Variants in MCC observed in about 807,000 individuals in gnomAD.
MCC encodes colorectal mutant cancer protein.
In MCC, 90 loss-of-function variants were observed where a neutral mutation model predicts 116.2. The observed-to-expected ratio is 0.77, with a 90% confidence interval of 0.65 to 0.92. The LOEUF is 0.92. Ranked by LOEUF, MCC falls within the 40% of genes least tolerant of loss-of-function variation. MCC has a pLI of 0.00. For missense variants in MCC, 1,516 were observed against 1,312.2 expected (o/e 1.16, Z -2.40); for synonymous variants, 578 against 510.5 (o/e 1.13, Z -1.78).
intron 1 of MCC, among the ~76,000 whole-genome samples, chr5:113,480,985 C>T (rs949649535): frequency 6.6e-6 from 1 of 152,140 alleles, no homozygotes; most frequent in Non-Finnish European, 1.5e-5. Flanking sequence ...CCATGTTGCT[C>T]AGGCTCGTCT....
At chr5:113,125,520 A>G (rs908447253) in intron 5 of MCC, among the ~76,000 whole-genome samples, 7 of 152,200 alleles carry the variant, frequency 4.6e-5, no homozygotes, top group African/African-American at 1.7e-4. Flanking sequence ...ATGGAGCTGC[A>G]TATCCTTATC....
At chr5:113,318,893 G>T (rs1391378184) in intron 3 of MCC, among the ~76,000 whole-genome samples, 2 of 152,016 alleles carry the variant, frequency 1.3e-5, no homozygotes, top group Admixed American at 6.6e-5. Flanking sequence ...TTGAAACAGG[G>T]TCTCGTTCTG....
chr5:113,384,524 G>A (rs1769200890), intron 2 of MCC, among the ~76,000 whole-genome samples: 1 of 152,130 alleles, frequency 6.6e-6, no homozygotes, highest in African/African-American at 2.4e-5. Context: ...GGAGGCAGAG[G>A]TTGCAGTGAG....
intron 7 of MCC, among the ~76,000 whole-genome samples, chr5:113,102,436 C>A (rs1371007075): frequency 6.6e-6 from 1 of 152,208 alleles, no homozygotes; most frequent in East Asian, 1.9e-4. Flanking sequence ...ATTACCATTT[C>A]CAGCTTTTAG....
At chr5:113,432,758 G>A (rs1770700902) in intron 1 of MCC, 1 of 152,158 alleles carries the variant, frequency 6.6e-6, no homozygotes, top group African/African-American at 2.4e-5. Flanking sequence ...AAGTTGATAA[G>A]GAAAAAATAA....
At chr5:113,121,139 G>C (rs2150269288) in intron 6 of MCC, among the ~76,000 whole-genome samples, 1 of 152,232 alleles carries the variant, frequency 6.6e-6, no homozygotes, top group East Asian at 1.9e-4. Flanking sequence ...TTAAATCTCA[G>C]CTGCCACCAC....
Position 113,082,129 on chromosome 5 carries a change from A to G in MCC, c.1784+731T>C, listed in dbSNP as rs182537327. ...AACTCCCTCATCACTGGCATGACAC[A>G]TAAGAGAGTCTTTGCCAACAGGCAA... On this transcript the variant is annotated intron_variant, in intron 11 of 18. Coordinates refer to ENST00000408903, the MANE Select transcript of MCC (RefSeq NM_001085377.2). 1.3e-3 allele frequency among the ~76,000 whole-genome samples: 193 copies of G among 152,370 alleles called. 1 individual carries two copies. Among genetic ancestry groups the G allele is most frequent in the African/African-American group, 4.4e-3 (184 of 41,580 alleles).
In MCC at chr5:113,029,022, C is replaced by G. The variant is rs139210825; in HGVS notation, c.2791G>C (p.Val931Leu). 108 of 1,613,466 alleles carry G rather than the reference C, an allele frequency of 6.7e-5. No individual in the cohort carries two copies. Among genetic ancestry groups the G allele is most frequent in the Non-Finnish European group, 9.0e-5 (106 of 1,179,706 alleles). The change falls in exon 18 of 19, where the codon GTG (valine) becomes CTG (leucine). Residue 931 changes from valine to leucine, a missense_variant. Val to Leu is a conservative substitution (Grantham distance 32). Coordinates refer to ENST00000408903, the MANE Select transcript of MCC (RefSeq NM_001085377.2). The part of the protein sequence containing the change: ...KKLKARVQEL[V>L]SALERLTKSS... ...TTGGTGAGTCTCTCCAAGGCACTCA[C>G]CAGCTCTTGAACTCTGGCCTTCAAC...
intron 3 of MCC, among the ~76,000 whole-genome samples, chr5:113,270,355 G>A (rs888694450): frequency 6.6e-6 from 1 of 152,042 alleles, no homozygotes; most frequent in African/African-American, 2.4e-5. Flanking sequence ...GAATGCCCAT[G>A]TACCTGTGCT....
chr5:113,348,456 C>T (rs566656562), intron 2 of MCC, among the ~76,000 whole-genome samples: 1 of 151,966 alleles, frequency 6.6e-6, no homozygotes, highest in Admixed American at 6.6e-5. Flanking sequence ...CAATATGCTC[C>T]TAAATAACCA....
intron 1 of MCC, among the ~76,000 whole-genome samples, chr5:113,455,847 C>A (rs1311250824): frequency 2.0e-5 from 3 of 152,164 alleles, no homozygotes; most frequent in East Asian, 1.9e-4. Context: ...CATTTTACAG[C>A]TTTCTGTATT....
chr5:113,483,194 T>G (rs1772424590), intron 1 of MCC, among the ~76,000 whole-genome samples: 1 of 152,210 alleles, frequency 6.6e-6, no homozygotes, highest in Admixed American at 6.5e-5. Context: ...GTTTTGAAAT[T>G]AGAAAGCATG....
intron 3 of MCC, among the ~76,000 whole-genome samples, chr5:113,193,730 G>C (rs1044349692): frequency 1.2e-4 from 19 of 152,174 alleles, no homozygotes; most frequent in African/African-American, 3.9e-4. Flanking sequence ...CACTCATCCA[G>C]AGTTTATGCT....
intron 2 of MCC, among the ~76,000 whole-genome samples, chr5:113,364,988 T>C (rs1000884867): frequency 2.6e-5 from 4 of 152,154 alleles, no homozygotes; most frequent in African/African-American, 9.7e-5. Flanking sequence ...GCTGTGCAGG[T>C]TTCTGAAATG....
intron 14 of MCC, among the ~76,000 whole-genome samples, chr5:113,059,310 G>A (rs574427405): frequency 6.6e-6 from 1 of 152,274 alleles, no homozygotes; most frequent in South Asian, 2.1e-4. Flanking sequence ...AACAGATCAG[G>A]CGAGGTTAAT....
intron 8 of MCC, among the ~76,000 whole-genome samples, chr5:113,087,778 T>G (rs1239183949): frequency 6.6e-6 from 1 of 152,044 alleles, no homozygotes; most frequent in Non-Finnish European, 1.5e-5. Flanking sequence ...ATCTTTTTTT[T>G]TTTTTTTATA....
chr5:113,241,143 CTG>C (rs1764348193), intron 3 of MCC, among the ~76,000 whole-genome samples: 1 of 152,216 alleles, frequency 6.6e-6, no homozygotes, highest in Non-Finnish European at 1.5e-5. Context: ...TTGCTCTAAA[CTG>C]TACAGAAACT....
intron 2 of MCC, among the ~76,000 whole-genome samples, chr5:113,375,437 C>A (rs1324958366): frequency 6.6e-6 from 1 of 152,156 alleles, no homozygotes; most frequent in Non-Finnish European, 1.5e-5. Flanking sequence ...TTCATGTTTA[C>A]TGCTACATAA....
chr5:113,188,860 T>G (rs1762022290), intron 3 of MCC, among the ~76,000 whole-genome samples: 1 of 152,172 alleles, frequency 6.6e-6, no homozygotes, highest in Non-Finnish European at 1.5e-5. Context: ...TTAGATAAAC[T>G]CTAAGCTTAT....
Sources: allele counts gnomAD v4.1 joint callset (sites outside exome capture counted in the v4.1 genomes callset), GRCh38; gene constraint gnomAD v4.1.1; transcripts MANE v1.5; gene names NCBI Gene and HGNC (gene_info 2026-07-23, HGNC 2026-07-21).